ARHGAP15: variants seen among roughly 807,000 people sequenced by gnomAD.
ARHGAP15 encodes the protein Rho GTPase activating protein 15, also known as rho GTPase-activating protein 15.
ARHGAP15 carries 51 observed loss-of-function variants against 63.7 expected under a neutral mutation model. That is an observed-to-expected ratio of 0.80 (90% confidence interval 0.64 to 1.01). The LOEUF (loss-of-function observed/expected upper bound fraction) is 1.01. ARHGAP15 is among the 50% of genes least tolerant of loss of function. The probability of loss-of-function intolerance (pLI) is 0.00; values close to 1 mark genes in which losing one functional copy is unlikely to be tolerated. For synonymous variants in ARHGAP15, 191 were observed against 193.8 expected, an observed-to-expected ratio of 0.99 and a Z score of 0.12; for missense variants, 560 against 564.6, an observed-to-expected ratio of 0.99 and a Z score of 0.08.
chr2:143,546,494 T>C (rs1021828341), intron 10 of ARHGAP15, among the ~76,000 whole-genome samples: 2 of 152,162 alleles, frequency 1.3e-5, no homozygotes, highest in African/African-American at 4.8e-5. Context: ...TACAGATTAC[T>C]CCTCCTGAGA....
At chr2:143,137,654 C>T (rs1205050182) in intron 1 of ARHGAP15, among the ~76,000 whole-genome samples, 1 of 151,960 alleles carries the variant, frequency 6.6e-6, no homozygotes, top group Non-Finnish European at 1.5e-5. Context: ...AAATTTTAAG[C>T]AATTTTACTA....
chr2:143,512,014 A>G (rs1028530193), intron 9 of ARHGAP15, among the ~76,000 whole-genome samples: 2 of 152,222 alleles, frequency 1.3e-5, no homozygotes, highest in South Asian at 4.1e-4. Flanking sequence ...TAAATGACAG[A>G]AACTTGTCCA....
At chr2:143,150,273 G>T (rs1437726975) in intron 1 of ARHGAP15, among the ~76,000 whole-genome samples, 1 of 151,872 alleles carries the variant, frequency 6.6e-6, no homozygotes, top group Non-Finnish European at 1.5e-5. Flanking sequence ...AACTCAAAAG[G>T]GCAGGCTGCT....
In ARHGAP15 at chr2:143,381,245, A is replaced by G. The variant is rs1687041522; in HGVS notation, c.475-54356A>G. Among the ~76,000 whole-genome samples, 4 of 152,080 alleles carry G rather than the reference A, an allele frequency of 2.6e-5. No individual in the cohort carries two copies. In the South Asian group the frequency reaches 8.3e-4, roughly 32 times the overall value. ...GCTGTGATTTTAAGGTGCACTTCAG[A>G]TTTATATTCTCCCCAGATGATTATA... On this transcript the variant is annotated intron_variant, in intron 6 of 13. Transcript: ENST00000295095.
chr2:143,673,136 T>TA (rs1307952579), intron 12 of ARHGAP15, among the ~76,000 whole-genome samples: 6 of 151,976 alleles, frequency 3.9e-5, no homozygotes, highest in African/African-American at 1.2e-4. Flanking sequence ...GGTAATAAAT[T>TA]AAAAAAAAGA....
At chr2:143,608,303 A>G (rs1051822284) in intron 11 of ARHGAP15, 6 of 152,052 alleles carry the variant, frequency 3.9e-5, no homozygotes, top group Non-Finnish European at 8.8e-5. Context: ...GGACTGGGAG[A>G]CTCGTGCTCT....
intron 2 of ARHGAP15, 150 bp downstream of exon 2, chr2:143,155,805 G>A: frequency 1.3e-6 from 1 of 762,408 alleles, no homozygotes; most frequent in Non-Finnish European, 2.0e-6. Context: ...CATACTTACA[G>A]TCATGATAAT....
At chr2:143,150,309 CAACA>C (rs1160607992) in intron 1 of ARHGAP15, among the ~76,000 whole-genome samples, 2 of 151,928 alleles carry the variant, frequency 1.3e-5, no homozygotes, top group Non-Finnish European at 2.9e-5. Context: ...TAACAGAATG[CAACA>C]AATAATTGGG....
At chr2:143,697,705 T>C (rs761077413) in intron 12 of ARHGAP15, among the ~76,000 whole-genome samples, 1 of 152,216 alleles carries the variant, frequency 6.6e-6, no homozygotes, top group Non-Finnish European at 1.5e-5. Flanking sequence ...TATCAAGCAA[T>C]TGTTGTCATC....
In ARHGAP15 at chr2:143,287,674, T is replaced by A. The variant is rs542037277; in HGVS notation, c.474+37074T>A. 1.6e-3 allele frequency among the ~76,000 whole-genome samples: 239 copies of A among 152,092 alleles called. 1 individual carries two copies. The highest frequency in any genetic ancestry group is 4.9e-3 in the African/African-American group (203 of 41,508). On this transcript the variant is annotated intron_variant, in intron 6 of 13. Transcript: ENST00000295095. ...TACAAAAATTAGCTGGGCATAGTGG[T>A]GCACACCTGTAATAGCTACTCGGGA...
intron 6 of ARHGAP15, among the ~76,000 whole-genome samples, chr2:143,353,148 T>C (rs1178065260): frequency 6.6e-6 from 1 of 152,124 alleles, no homozygotes; most frequent in Non-Finnish European, 1.5e-5. Flanking sequence ...ATTGACAAGC[T>C]GGGCCTGGTG....
At chr2:143,691,817 C>A (rs1049256860) in intron 12 of ARHGAP15, among the ~76,000 whole-genome samples, 1 of 152,162 alleles carries the variant, frequency 6.6e-6, no homozygotes, top group African/African-American at 2.4e-5. Context: ...AAAAGGACAA[C>A]TCCCATTGCA....
At chr2:143,374,695 G>T (rs1201329232) in intron 6 of ARHGAP15, among the ~76,000 whole-genome samples, 2 of 152,026 alleles carry the variant, frequency 1.3e-5, no homozygotes, top group Admixed American at 1.3e-4. Context: ...TAGAGATAGG[G>T]TCTCACTGTG....
chr2:143,743,916 C>A (rs1361528104), intron 13 of ARHGAP15, among the ~76,000 whole-genome samples: 1 of 151,854 alleles, frequency 6.6e-6, no homozygotes, highest in African/African-American at 2.4e-5. Flanking sequence ...TATAATGAAC[C>A]AATAGATTTA....
Position 143,637,882 on chromosome 2 carries a change from CA to C in ARHGAP15, c.1138+13621del, listed in dbSNP as rs1158588337. On this transcript the variant is annotated intron_variant, in intron 12 of 13. Coordinates refer to ENST00000295095, the MANE Select transcript of ARHGAP15 (RefSeq NM_018460.4). ...TCTCAAAAGAAGACATTTAGGCAGCCAAAAAACACATGAAAAAATGCTCACC... is the reference window on the plus strand; with the variant it reads ...TCTCAAAAGAAGACATTTAGGCAGCCAAAAACACATGAAAAAATGCTCACC... 3.3e-5 allele frequency among the ~76,000 whole-genome samples: 5 copies of C among 152,032 alleles called. No homozygotes were observed. The East Asian group carries it at 9.7e-4, about 29-fold the overall frequency.
chr2:143,268,946 T>C (rs1681135472), intron 6 of ARHGAP15, among the ~76,000 whole-genome samples: 1 of 152,122 alleles, frequency 6.6e-6, no homozygotes, highest in South Asian at 2.1e-4. Flanking sequence ...TAAGTAAATA[T>C]ATTCCAAAGT....
At chr2:143,730,333 CTCTT>C (rs1258237842) in intron 13 of ARHGAP15, among the ~76,000 whole-genome samples, 2 of 152,214 alleles carry the variant, frequency 1.3e-5, no homozygotes, top group Non-Finnish European at 2.9e-5. Context: ...AATCGTATGT[CTCTT>C]TCAGTTTGCT....
intron 10 of ARHGAP15, among the ~76,000 whole-genome samples, chr2:143,551,362 C>T (rs1695553956): frequency 6.6e-6 from 1 of 151,904 alleles, no homozygotes; most frequent in African/African-American, 2.4e-5. Context: ...ACTATGTTGC[C>T]CAGGCTGTTC....
chr2:143,165,837 G>A (rs1307715547), intron 2 of ARHGAP15, among the ~76,000 whole-genome samples: 1 of 151,744 alleles, frequency 6.6e-6, no homozygotes, highest in Non-Finnish European at 1.5e-5. Context: ...ATGAATTATT[G>A]ACAGTATTAA....
Sources: gnomAD v4.1 joint callset for allele counts (sites outside exome capture counted in the v4.1 genomes callset) on GRCh38, gnomAD v4.1.1 for gene constraint, MANE v1.5 for transcripts, NCBI Gene and HGNC (gene_info 2026-07-23, HGNC 2026-07-21) for gene names.